The following SPOCK1 variants were observed in gnomAD, a reference collection of about 807,000 sequenced individuals.
SPOCK1 encodes SPARC (osteonectin), cwcv and kazal like domains proteoglycan 1.
Under a neutral mutation model 55.3 loss-of-function variants are expected in SPOCK1, and 23 were observed. The observed-to-expected ratio is 0.42, with a 90% confidence interval of 0.30 to 0.59. The LOEUF is 0.59. Ranked by LOEUF, SPOCK1 falls within the 20% of genes least tolerant of loss-of-function variation. SPOCK1 has a pLI of 0.22. For synonymous variants in SPOCK1, 226 were observed against 221.0 expected, an observed-to-expected ratio of 1.02 and a Z score of -0.20; for missense variants, 499 against 552.5, an observed-to-expected ratio of 0.90 and a Z score of 0.97.
At chr5:137,290,373 A>G (rs1757350983) in intron 2 of SPOCK1, among the ~76,000 whole-genome samples, 1 of 151,180 alleles carries the variant, frequency 6.6e-6, no homozygotes, top group African/African-American at 2.5e-5. Flanking sequence ...CTATCCATCT[A>G]TATAAAGTTC....
At chr5:137,456,047 GAAAA>G (rs1753360095) in intron 2 of SPOCK1, among the ~76,000 whole-genome samples, 1 of 151,864 alleles carries the variant, frequency 6.6e-6, no homozygotes, top group South Asian at 2.1e-4. Context: ...GGAGGAAGAA[GAAAA>G]AAGGAGGAGA....
Position 137,401,276 on chromosome 5 carries a change from T to TG in SPOCK1, c.186+97096dup, listed in dbSNP as rs202212997. On this transcript the variant is annotated intron_variant, in intron 2 of 10. Coordinates refer to ENST00000394945, the MANE Select transcript of SPOCK1 (RefSeq NM_004598.4). ...CCAACAGGGACAAGAAAGAGTCTTG[T>TG]GGGGGGCAGGGGGAAACTTAGCAAA... Among the ~76,000 whole-genome samples, 574 of 152,222 alleles carry TG rather than the reference T, an allele frequency of 3.8e-3. 5 individuals are homozygous for TG. The highest frequency in any genetic ancestry group is 0.013 in the African/African-American group (549 of 41,526).
At chr5:137,341,430 G>A (rs887121990) in intron 2 of SPOCK1, among the ~76,000 whole-genome samples, 20 of 152,232 alleles carry the variant, frequency 1.3e-4, no homozygotes, top group Admixed American at 3.3e-4. Context: ...CAAGGAAGAT[G>A]GCTTAGGCCT....
rs185714535 is a variant in SPOCK1, at chr5:137,310,289, G to T, written c.187-43234C>A. ...AAGTTCCTGTCTCTCCCATTTAAATGAATGGCACCAAGCTTTTCTGAGCTC... is the reference window on the plus strand; with the variant it reads ...AAGTTCCTGTCTCTCCCATTTAAATTAATGGCACCAAGCTTTTCTGAGCTC... On this transcript the variant is annotated intron_variant, in intron 2 of 10. Coordinates refer to ENST00000394945, the MANE Select transcript of SPOCK1 (RefSeq NM_004598.4). Among the ~76,000 whole-genome samples the T allele has an allele frequency of 2.5e-4, 38 of 152,320 alleles. No individual in the cohort carries two copies. The East Asian group carries it at 7.3e-3, about 29-fold the overall frequency.
At chr5:137,024,316 G>GCGGGC (rs72180461) in intron 6 of SPOCK1, among the ~76,000 whole-genome samples, 1 of 139,954 alleles carries the variant, frequency 7.1e-6, no homozygotes, top group African/African-American at 2.8e-5. Flanking sequence ...CAGTTTGAAG[G>GCGGGC]GGGGGGGGTA....
chr5:137,074,276 T>G (rs1561599500), intron 5 of SPOCK1, among the ~76,000 whole-genome samples: 1 of 152,198 alleles, frequency 6.6e-6, no homozygotes, highest in African/African-American at 2.4e-5. Flanking sequence ...TACAAACATT[T>G]GGGGAAGAAT....
intron 3 of SPOCK1, among the ~76,000 whole-genome samples, chr5:137,247,238 A>G (rs983587238): frequency 6.6e-6 from 1 of 152,002 alleles, no homozygotes; most frequent in African/African-American, 2.4e-5. Flanking sequence ...TGGAGATGAA[A>G]ATGGGTGCCT....
At chr5:136,985,256 A>G in intron 8 of SPOCK1, 54 bp from the exon 9 acceptor site, 3 of 1,486,066 alleles carry the variant, frequency 2.0e-6, no homozygotes, top group Non-Finnish European at 2.8e-6. Flanking sequence ...TATAATCGCT[A>G]ATGATTGACT....
At chr5:137,328,132 G>A (rs1758110459) in intron 2 of SPOCK1, among the ~76,000 whole-genome samples, 1 of 152,204 alleles carries the variant, frequency 6.6e-6, no homozygotes, top group Non-Finnish European at 1.5e-5. Flanking sequence ...TGATTGGACT[G>A]ACCAATAAAT....
In SPOCK1 at chr5:137,326,032, T is replaced by C. The variant is rs749211505; in HGVS notation, c.187-58977A>G. Among the ~76,000 whole-genome samples the C allele has an allele frequency of 3.9e-5, 6 of 152,324 alleles. No homozygotes were observed. The East Asian group carries it at 1.2e-3, about 29-fold the overall frequency. ...ATCTGGGAGTACCTATTTCCCTACA[T>C]TTTTACCAGCACTTCTTACCGTATT... On this transcript the variant is annotated intron_variant, in intron 2 of 10. Transcript: ENST00000394945.
At chr5:137,229,512 A>G (rs1756008800) in intron 3 of SPOCK1, among the ~76,000 whole-genome samples, 1 of 152,168 alleles carries the variant, frequency 6.6e-6, no homozygotes, top group South Asian at 2.1e-4. Flanking sequence ...TTGAATCACA[A>G]GATTAGGCAA....
At chr5:137,166,489 C>T (rs1243672762) in intron 3 of SPOCK1, among the ~76,000 whole-genome samples, 2 of 150,852 alleles carry the variant, frequency 1.3e-5, no homozygotes, top group African/African-American at 4.9e-5. Context: ...GTACAAAATT[C>T]ACTGGCAATG....
chr5:137,410,070 G>A (rs1752177904), intron 2 of SPOCK1, among the ~76,000 whole-genome samples: 1 of 152,190 alleles, frequency 6.6e-6, no homozygotes, highest in East Asian at 1.9e-4. Flanking sequence ...GTCTCCTCAA[G>A]CTGTGAAAAC....
chr5:137,083,125 G>A (rs1220073384), intron 5 of SPOCK1, among the ~76,000 whole-genome samples: 3 of 152,144 alleles, frequency 2.0e-5, no homozygotes, highest in Non-Finnish European at 4.4e-5. Flanking sequence ...CCCGTTTTGG[G>A]GAATTCTGCA....
intron 2 of SPOCK1, among the ~76,000 whole-genome samples, chr5:137,384,424 T>A (rs1751554072): frequency 6.6e-6 from 1 of 152,164 alleles, no homozygotes; most frequent in African/African-American, 2.4e-5. Context: ...TATGCCACCA[T>A]GGACAACTAA....
chr5:137,474,865 T>A (rs1207415895), intron 2 of SPOCK1, among the ~76,000 whole-genome samples: 1 of 151,966 alleles, frequency 6.6e-6, no homozygotes, highest in African/African-American at 2.4e-5. Context: ...AGCAAAAAAA[T>A]ATGGGTAATA....
At chr5:137,421,614 T>C (rs1380845996) in intron 2 of SPOCK1, among the ~76,000 whole-genome samples, 1 of 152,230 alleles carries the variant, frequency 6.6e-6, no homozygotes, top group African/African-American at 2.4e-5. Context: ...AGACTAGGAT[T>C]GCAACCCCTG....
chr5:137,180,069 G>T (rs904474902), intron 3 of SPOCK1, among the ~76,000 whole-genome samples: 4 of 152,080 alleles, frequency 2.6e-5, no homozygotes, highest in Non-Finnish European at 5.9e-5. Flanking sequence ...CTTGCCTAAG[G>T]TCACACAGCC....
chr5:137,183,630 C>A, intron 3 of SPOCK1, among the ~76,000 whole-genome samples: 1 of 152,184 alleles, frequency 6.6e-6, no homozygotes, highest in East Asian at 1.9e-4. Flanking sequence ...GGGGTGGGAC[C>A]TGGTAGCCAC....
Sources: allele counts gnomAD v4.1 joint callset (sites outside exome capture counted in the v4.1 genomes callset), GRCh38; gene constraint gnomAD v4.1.1; transcripts MANE v1.5; gene names NCBI Gene and HGNC (gene_info 2026-07-23, HGNC 2026-07-21).